The following FFAR4 variants were observed in gnomAD, a reference collection of about 807,000 sequenced individuals.
The protein encoded by FFAR4 is free fatty acid receptor 4.
FFAR4 carries 19 observed loss-of-function variants against 27.0 expected under a neutral mutation model. The ratio of observed to expected loss-of-function variants is 0.70; its 90% CI spans 0.49 to 1.03. The LOEUF (loss-of-function observed/expected upper bound fraction) is 1.03, where lower values mean the gene tolerates loss of function less well. Among genes scored for constraint, FFAR4 ranks in the 50% least tolerant of loss-of-function variants. FFAR4 has a pLI of 0.00. For missense variants in FFAR4, 476 were observed against 479.0 expected, an observed-to-expected ratio of 0.99 and a Z score of 0.06; for synonymous variants, 254 against 215.6, an observed-to-expected ratio of 1.18 and a Z score of -1.56.
Position 93,576,147 on chromosome 10 carries a change from TGTCTC to T in FFAR4, c.625_629del (p.Val209PhefsTer103). ...CCATTCCTGGAGAGATCTCGTGGGA[TGTCTC>T]TTTTGTTACTTTGAACTTCTTGGTG... On this transcript the variant is annotated frameshift_variant, in exon 2 of 3. Transcript: ENST00000371481. LOFTEE classifies it high-confidence loss of function. The T allele has an allele frequency of 6.2e-7, 1 of 1,613,966 alleles. No individual in the cohort carries two copies. Among genetic ancestry groups the T allele is most frequent in the Non-Finnish European group, 8.5e-7 (1 of 1,179,794 alleles).
At chr10:93,579,328 C>A (rs772882105) in intron 2 of FFAR4, 6 of 825,764 alleles carry the variant, frequency 7.3e-6, no homozygotes, top group Admixed American at 2.0e-5. Flanking sequence ...TCATATTTCA[C>A]CCTCCCTTGT....
At position 93,588,818 on chromosome 10, in the gene FFAR4, T is replaced by A. The variant is rs2058246117; in HGVS notation, c.*1209T>A. ...CTCCCGCCTCAGCCTCCCAAGTAGC[T>A]GGGATTACAGGCGTGAGCCGCCACG... is the stretch of plus-strand genomic sequence containing the variant. On this transcript the variant is annotated 3_prime_UTR_variant, in exon 3 of 3. Transcript: ENST00000371481. 6.6e-6 allele frequency: 1 copy of A among 152,322 alleles called. No homozygotes were observed. The highest frequency in any genetic ancestry group is 1.5e-5 in the Non-Finnish European group (1 of 68,050). 9.4% of individuals were successfully genotyped at this position (152,322 alleles called of 1,614,324 possible). A position where few individuals can be genotyped will look rare whatever the true frequency, so the allele number is the denominator to read the frequency against.
intron 1 of FFAR4, among the ~76,000 whole-genome samples, chr10:93,575,059 G>A (rs2058155962): frequency 6.6e-6 from 1 of 152,204 alleles, no homozygotes; most frequent in Non-Finnish European, 1.5e-5. Context: ...TATTGGTCAA[G>A]TGAATGAATG....
chr10:93,578,730 G>C (rs942376938), intron 2 of FFAR4, among the ~76,000 whole-genome samples: 1 of 152,238 alleles, frequency 6.6e-6, no homozygotes, highest in Non-Finnish European at 1.5e-5. Flanking sequence ...AGGCAAGGCT[G>C]CTCTTCCGAC....
intron 2 of FFAR4, among the ~76,000 whole-genome samples, chr10:93,582,595 G>A (rs1353998073): frequency 6.6e-6 from 1 of 151,190 alleles, no homozygotes; most frequent in Non-Finnish European, 1.5e-5. Context: ...TGGTCCATGA[G>A]TGAGCCCACT....
Position 93,576,150 on chromosome 10 carries a change from C to T in FFAR4, c.627C>T (p.Val209=), listed in dbSNP as rs1339352176. The change falls in exon 2 of 3, where the codon GTC becomes GTT. Residue 209 remains valine, a synonymous_variant. Transcript: ENST00000371481. ...PTIPGEISWD[V]SFVTLNFLVP... is the part of the protein sequence containing the mutation. ...TTCCTGGAGAGATCTCGTGGGATGT[C>T]TCTTTTGTTACTTTGAACTTCTTGG... 3.1e-6 allele frequency: 5 copies of T among 1,613,942 alleles called. No individual in the cohort carries two copies. The highest frequency in any genetic ancestry group is 3.4e-6 in the Non-Finnish European group (4 of 1,179,806).
rs184613070 is a variant in FFAR4 at position 93,577,491 on chromosome 10, C to T, written c.696+1272C>T. On this transcript the variant is annotated intron_variant, in intron 2 of 2. Coordinates refer to ENST00000371481, the MANE Select transcript of FFAR4 (RefSeq NM_001195755.2). ...CCATGTCACTCATTAGACTCTTGCC[C>T]ACCCAATGACCACTAAAGTGACACC... Among the ~76,000 whole-genome samples the T allele has an allele frequency of 3.9e-4, 59 of 152,306 alleles. No individual in the cohort carries two copies. The East Asian group carries it at 0.01, about 26-fold the overall frequency.
intron 1 of FFAR4, 112 bp from the exon 2 acceptor site, chr10:93,575,979 G>A: frequency 9.8e-7 from 1 of 1,016,616 alleles, no homozygotes; most frequent in South Asian, 1.5e-5. Context: ...CATGCTAGTT[G>A]TGTAACTGGG....
At chr10:93,579,349 GC>G (rs1326907524) in intron 2 of FFAR4, 1 of 736,262 alleles carries the variant, frequency 1.4e-6, no homozygotes, top group Admixed American at 2.1e-5. Flanking sequence ...GTCCACATTG[GC>G]CTTGAGGCTG....
At chr10:93,579,207 G>A (rs748573613) in intron 2 of FFAR4, 1 of 1,612,432 alleles carries the variant, frequency 6.2e-7, no homozygotes, top group Non-Finnish European at 8.5e-7. Flanking sequence ...TCACAGTGAG[G>A]TAAAAGGGCA....
At chr10:93,569,996 T>C (rs982167710) in intron 1 of FFAR4, among the ~76,000 whole-genome samples, 3 of 151,532 alleles carry the variant, frequency 2.0e-5, no homozygotes, top group Non-Finnish European at 4.4e-5. Flanking sequence ...GAGGTGGAGG[T>C]TGCAGTGAGC....
chr10:93,585,578 G>T (rs1325684936), intron 2 of FFAR4, among the ~76,000 whole-genome samples: 1 of 152,242 alleles, frequency 6.6e-6, no homozygotes, highest in Non-Finnish European at 1.5e-5. Flanking sequence ...GGTTTGTGGT[G>T]CTGGAGCTGG....
chr10:93,585,027 G>A (rs1480788396), intron 2 of FFAR4, among the ~76,000 whole-genome samples: 4 of 152,096 alleles, frequency 2.6e-5, no homozygotes, highest in African/African-American at 4.8e-5. Flanking sequence ...GTATTCTAAC[G>A]GGAATATTTT....
intron 2 of FFAR4, among the ~76,000 whole-genome samples, chr10:93,582,245 A>T (rs1054797341): frequency 6.6e-6 from 1 of 152,042 alleles, no homozygotes; most frequent in African/African-American, 2.4e-5. Context: ...AGCATCTCTC[A>T]GTGCTAAAAA....
chr10:93,566,680 G>T lies in FFAR4; in HGVS notation c.-41G>T. The T allele has an allele frequency of 7.9e-7, 1 of 1,267,840 alleles. No individual in the cohort carries two copies. The highest frequency in any genetic ancestry group is 1.4e-5 in the South Asian group (1 of 69,330). 78.5% of individuals were successfully genotyped at this position (1,267,840 alleles called of 1,614,324 possible). Reference sequence around the variant, plus strand: ...CTTGGCACTCAGTCGCCTCCCAGATGAGCACTCTCTCAGACCGCTGCGGGC... The same window carrying T: ...CTTGGCACTCAGTCGCCTCCCAGATTAGCACTCTCTCAGACCGCTGCGGGC... On this transcript the variant is annotated 5_prime_UTR_variant, in exon 1 of 3. It removes an upstream start codon present in the reference 5' UTR. Transcript: ENST00000371481.
chr10:93,587,548 A>T lies in FFAR4; in HGVS notation c.1025A>T (p.Lys342Met). 2.5e-6 allele frequency: 4 copies of T among 1,614,070 alleles called. No homozygotes were observed. The highest frequency in any genetic ancestry group is 2.5e-6 in the Non-Finnish European group (3 of 1,179,958). ...TTTTGCTGCTTCTGGTTCCCAGAAA[A>T]GGGAGCCATTTTAACAGACACATCT... ...KIFCCFWFPE[K>M]GAILTDTSVK... The change falls in exon 3 of 3, where the codon AAG (lysine) becomes ATG (methionine). Residue 342 changes from lysine (K) to methionine (M), a missense_variant. Physicochemically the swap from Lys to Met is moderately conservative, Grantham distance 95. Transcript: ENST00000371481.
rs919578410 is a variant in FFAR4 at position 93,588,145 on chromosome 10, T to A, written c.*536T>A. ...GGTTCCTTTTAAATGTGAACTTTTT[T>A]AGTGTGTTTGTAATATGATCAAATT... On this transcript the variant is annotated 3_prime_UTR_variant, in exon 3 of 3. Coordinates refer to ENST00000371481, the MANE Select transcript of FFAR4 (RefSeq NM_001195755.2). 1 of 152,834 alleles carries A rather than the reference T, an allele frequency of 6.5e-6. No individual in the cohort carries two copies. Among genetic ancestry groups the A allele is most frequent in the Non-Finnish European group, 1.5e-5 (1 of 68,580 alleles). 9.5% of individuals were successfully genotyped at this position (152,834 alleles called of 1,614,324 possible).
Position 93,579,163 on chromosome 10 carries a change from C to T in FFAR4, c.696+2944C>T, listed in dbSNP as rs752528106. 26 of 1,613,940 alleles carry T rather than the reference C, an allele frequency of 1.6e-5. No homozygotes were observed. The highest frequency in any genetic ancestry group is 1.2e-4 in the Admixed American group (7 of 60,006). On this transcript the variant is annotated intron_variant, in intron 2 of 2. Transcript: ENST00000371481. The stretch of plus-strand genomic sequence containing the variant: ...CTTCACTTCTCCCCATTACAGACCT[C>T]GGAACACCTCCTGGATGCAAGAGCT...
Position 93,576,224 on chromosome 10 carries a change from G to T in FFAR4, c.696+5G>T, listed in dbSNP as rs754931069. ...AGTTACTCCAAAATTTTACAGGTAT[G>T]TTTTCTGCAAGTGCTGCCACTGAAC... On this transcript the variant is annotated splice_donor_5th_base_variant and intron_variant, in intron 2 of 2. Transcript: ENST00000371481. The T allele has an allele frequency of 5.0e-6, 8 of 1,613,832 alleles. No homozygotes were observed. The African/African-American group carries it at 9.3e-5, about 19-fold the overall frequency.
Sources: allele counts gnomAD v4.1 joint callset (sites outside exome capture counted in the v4.1 genomes callset), GRCh38; gene constraint gnomAD v4.1.1; transcripts MANE v1.5; gene names NCBI Gene and HGNC (gene_info 2026-07-23, HGNC 2026-07-21).